ACACA: variants seen among roughly 807,000 people sequenced by gnomAD.
ACACA encodes acetyl-CoA carboxylase 1.
A neutral mutation model predicts 296.1 loss-of-function variants in ACACA; 103 were observed. That is an observed-to-expected ratio of 0.35 (90% CI 0.30 to 0.41). ACACA has a LOEUF of 0.41. Among genes scored for constraint, ACACA ranks in the 10% least tolerant of loss-of-function variants. The pLI is 1.00. For missense variants in ACACA, 1,554 were observed against 2,989.7 expected (o/e 0.52, Z 11.20); for synonymous variants, 953 against 1,038.6 (o/e 0.92, Z 1.58).
intron 41 of ACACA, among the ~76,000 whole-genome samples, chr17:37,171,307 T>C (rs939434252): frequency 1.3e-5 from 2 of 152,168 alleles, no homozygotes; most frequent in African/African-American, 4.8e-5. Flanking sequence ...GGGCATCATC[T>C]GCATCATAAA....
chr17:37,258,647 A>G (rs2081319838), intron 12 of ACACA, among the ~76,000 whole-genome samples: 1 of 152,198 alleles, frequency 6.6e-6, no homozygotes, highest in Admixed American at 6.5e-5. Context: ...TCCATCACGT[A>G]ATAAGAATGA....
intron 29 of ACACA, among the ~76,000 whole-genome samples, chr17:37,212,375 T>C (rs1207906127): frequency 6.6e-6 from 1 of 152,158 alleles, no homozygotes; most frequent in African/African-American, 2.4e-5. Context: ...CTCAAGCTCC[T>C]ATAGAGAGCC....
At chr17:37,395,898 A>C (rs189391643) in intron 1 of ACACA, among the ~76,000 whole-genome samples, 106 of 152,350 alleles carry the variant, frequency 7.0e-4, no homozygotes, top group Admixed American at 1.5e-3. Flanking sequence ...TAGGCCCAAA[A>C]ATTAAGATAG....
intron 3 of ACACA, among the ~76,000 whole-genome samples, chr17:37,297,441 C>G (rs2083397413): frequency 3.6e-5 from 4 of 111,216 alleles, no homozygotes; most frequent in Admixed American, 9.9e-5. Context: ...AACTCTGTCT[C>G]GAAAGAAAAA....
In ACACA at chr17:37,330,204, T is replaced by C. The variant is rs773758340; in HGVS notation, c.307A>G (p.Ser103Gly). 7 of 1,614,196 alleles carry C rather than the reference T, an allele frequency of 4.3e-6. No individual in the cohort carries two copies. In the Admixed American group the frequency reaches 1.2e-4, roughly 27 times the overall value. The stretch of plus-strand genomic sequence containing the variant: ...TGCAAGGCCAAGCCATCCTGTAGGC[T>C]AGAGATCCCCAAATCAGAGAGTGTA... ...SDTLSDLGIS[S>G]LQDGLALHIR... The change falls in exon 3 of 56, where the codon AGC becomes GGC. Residue 103 changes from serine to glycine, a missense_variant. Ser to Gly is a moderately conservative substitution (Grantham distance 56). Around this residue, in one of 16 missense-constraint regions of ACACA, gnomAD observed 140 missense variants for 147.7 expected, o/e 0.95. Transcript: ENST00000616317.
At position 37,240,366 on chromosome 17, in the gene ACACA, T is replaced by C. The variant is rs574303729; in HGVS notation, c.3121+110A>G. On this transcript the variant is annotated intron_variant, in intron 24 of 55. Coordinates refer to ENST00000616317, the MANE Select transcript of ACACA (RefSeq NM_198834.3). ...TAGGAGACTGTTTATTAATGGGAAG[T>C]GTTGTTGACAGGAGGGGGCTTAGCT... The C allele has an allele frequency of 8.0e-5, 68 of 848,920 alleles. No individual in the cohort carries two copies. In the South Asian group the frequency reaches 9.1e-4, roughly 11 times the overall value. 52.6% of individuals were successfully genotyped at this position (848,920 alleles called of 1,614,324 possible). A position where few individuals can be genotyped will look rare whatever the true frequency, so the allele number is the denominator to read the frequency against.
intron 10 of ACACA, among the ~76,000 whole-genome samples, chr17:37,265,730 G>A (rs2081736179): frequency 6.6e-6 from 1 of 152,044 alleles, no homozygotes; most frequent in Non-Finnish European, 1.5e-5. Flanking sequence ...GTTTTGTTTT[G>A]TTTTTCAGGA....
At chr17:37,316,346 C>A (rs1353830874) in intron 3 of ACACA, among the ~76,000 whole-genome samples, 1 of 150,104 alleles carries the variant, frequency 6.7e-6, no homozygotes, top group Non-Finnish European at 1.5e-5. Flanking sequence ...CCTAACTTTG[C>A]TAGCCTTTTT....
chr17:37,277,079 A>G lies in ACACA; in HGVS notation c.756T>C (p.Asn252=). The change falls in exon 7 of 56, where the codon AAT becomes AAC. Residue 252 remains asparagine, a synonymous_variant. Coordinates refer to ENST00000616317, the MANE Select transcript of ACACA (RefSeq NM_198834.3). ...VWAGWGHASE[N]PKLPELLLKN... ...TCAAGAGAAGTTCCGGTAGTTTGGG[A>G]TTCTCAGAAGCATGACCCCAGCCAG... The G allele has an allele frequency of 6.2e-7, 1 of 1,614,140 alleles. No individual in the cohort carries two copies. The highest frequency in any genetic ancestry group is 8.5e-7 in the Non-Finnish European group (1 of 1,180,004).
At chr17:37,110,061 A>G (rs1237369493) in intron 52 of ACACA, among the ~76,000 whole-genome samples, 3 of 152,230 alleles carry the variant, frequency 2.0e-5, no homozygotes, top group African/African-American at 7.2e-5. Flanking sequence ...GGCCAGAAAG[A>G]AAACCAGCAA....
In ACACA at chr17:37,214,509, C is replaced by T. The variant is rs573092274; in HGVS notation, c.3684-4019G>A. Among the ~76,000 whole-genome samples the T allele has an allele frequency of 5.3e-5, 8 of 152,276 alleles. No individual in the cohort carries two copies. In the South Asian group the frequency reaches 6.2e-4, roughly 12 times the overall value. ...GCTACGAACCCACAGCACAAAACTA[C>T]GGGGATTTACAGGTGTCCTGGATTC... On this transcript the variant is annotated intron_variant, in intron 29 of 55. Transcript: ENST00000616317.
intron 55 of ACACA, among the ~76,000 whole-genome samples, chr17:37,088,564 TAGA>T (rs2072382037): frequency 6.6e-6 from 1 of 152,218 alleles, no homozygotes; most frequent in African/African-American, 2.4e-5. Context: ...CTGAAGCCTC[TAGA>T]AGAATACAGC....
At chr17:37,250,385 A>T (rs1389354916) in intron 16 of ACACA, among the ~76,000 whole-genome samples, 1 of 152,212 alleles carries the variant, frequency 6.6e-6, no homozygotes, top group African/African-American at 2.4e-5. Flanking sequence ...CACGCCTCTA[A>T]TTCCAGCTAT....
intron 1 of ACACA, chr17:37,379,053 C>T: frequency 6.9e-7 from 1 of 1,449,248 alleles, no homozygotes; most frequent in Non-Finnish European, 9.2e-7. Flanking sequence ...GCTTGGGTGA[C>T]AGAGCAAGGC....
At chr17:37,130,596 A>T (rs1179568871) in intron 45 of ACACA, among the ~76,000 whole-genome samples, 1 of 152,162 alleles carries the variant, frequency 6.6e-6, no homozygotes, top group Non-Finnish European at 1.5e-5. Context: ...AAATTAAAAA[A>T]AAAACAAAAA....
intron 14 of ACACA, among the ~76,000 whole-genome samples, chr17:37,256,706 T>A (rs2081244283): frequency 6.6e-6 from 1 of 152,184 alleles, no homozygotes; most frequent in Non-Finnish European, 1.5e-5. Context: ...CATTCCAGCC[T>A]GGGTGACAGA....
chr17:37,143,283 C>CTT (rs79160054), intron 45 of ACACA, among the ~76,000 whole-genome samples: 7 of 137,430 alleles, frequency 5.1e-5, no homozygotes, highest in Non-Finnish European at 6.4e-5. Flanking sequence ...ACAGCTGCAA[C>CTT]TTTTTTTTTT....
intron 45 of ACACA, among the ~76,000 whole-genome samples, chr17:37,146,427 A>G (rs559823917): frequency 3.6e-5 from 5 of 138,264 alleles, no homozygotes; most frequent in African/African-American, 1.1e-4. Context: ...AGTAAAATCA[A>G]TGATGGGGTT....
intron 1 of ACACA, among the ~76,000 whole-genome samples, chr17:37,397,506 G>T (rs1486450055): frequency 5.9e-5 from 9 of 152,084 alleles, no homozygotes; most frequent in Non-Finnish European, 1.3e-4. Flanking sequence ...TATCAAAGTT[G>T]CTATCAGTTA....
Sources: gnomAD v4.1 joint callset for allele counts (sites outside exome capture counted in the v4.1 genomes callset) on GRCh38, gnomAD v4.1.1 for gene constraint, gnomAD v4.1.1 regional missense constraint, MANE v1.5 for transcripts, NCBI Gene and HGNC (gene_info 2026-07-23, HGNC 2026-07-21) for gene names.